Variants in PDE4D observed in about 807,000 individuals in gnomAD.
PDE4D encodes phosphodiesterase 4D, also known as 3',5'-cyclic-AMP phosphodiesterase 4D.
A neutral mutation model predicts 87.4 loss-of-function variants in PDE4D; 24 were observed. The ratio of observed to expected loss-of-function variants is 0.27; its 90% CI spans 0.20 to 0.39. The LOEUF (loss-of-function observed/expected upper bound fraction) is 0.39, where lower values mean the gene tolerates loss of function less well. PDE4D is among the 10% of genes least tolerant of loss of function. The pLI is 1.00. For synonymous variants in PDE4D, 384 were observed against 383.2 expected, an observed-to-expected ratio of 1.00 and a Z score of -0.02; for missense variants, 714 against 1,041.0, an observed-to-expected ratio of 0.69 and a Z score of 4.32.
chr5:59,817,475 A>T (rs905834), intron 1 of PDE4D, among the ~76,000 whole-genome samples: 1 of 152,054 alleles, frequency 6.6e-6, no homozygotes, highest in Admixed American at 6.5e-5. Flanking sequence ...CTGGGTCACC[A>T]CTATGGACTG....
chr5:59,725,249 C>T (rs1756433099), intron 1 of PDE4D, among the ~76,000 whole-genome samples: 2 of 152,074 alleles, frequency 1.3e-5, no homozygotes. Context: ...CTCATATAGC[C>T]TTTAGCCTTT....
intron 1 of PDE4D, chr5:60,460,569 T>G: frequency 7.6e-7 from 1 of 1,320,534 alleles, no homozygotes; most frequent in South Asian, 1.2e-5. Context: ...CTTCATTAAG[T>G]CTGTCTATTT....
At chr5:59,060,054 A>G (rs377677074) in intron 5 of PDE4D, among the ~76,000 whole-genome samples, 5 of 152,288 alleles carry the variant, frequency 3.3e-5, no homozygotes, top group African/African-American at 9.6e-5. Context: ...TGTAGATATT[A>G]TATGATGTGC....
Position 59,247,322 on chromosome 5 carries a change from G to C in PDE4D, c.456-31354C>G, listed in dbSNP as rs74596226. 9.2e-5 allele frequency among the ~76,000 whole-genome samples: 14 copies of C among 152,250 alleles called. No individual in the cohort carries two copies. The East Asian group carries it at 2.7e-3, about 29-fold the overall frequency. On this transcript the variant is annotated intron_variant, in intron 1 of 14. Transcript: ENST00000340635. ...TAAAGTGCTGAATTTCAGGAGGTGA[G>C]CTAGTAGTTTCAATGTTTGTGGGCA...
intron 5 of PDE4D, among the ~76,000 whole-genome samples, chr5:59,145,441 G>T (rs1778494671): frequency 6.6e-6 from 1 of 152,134 alleles, no homozygotes; most frequent in Non-Finnish European, 1.5e-5. Flanking sequence ...ATAATCTTAA[G>T]AAATTTACTG....
At chr5:59,702,156 C>CTCTG (rs1217649686) in intron 1 of PDE4D, among the ~76,000 whole-genome samples, 1 of 152,186 alleles carries the variant, frequency 6.6e-6, no homozygotes, top group African/African-American at 2.4e-5. Flanking sequence ...TGAAGTCTCA[C>CTCTG]TCTGTCGCCC....
At chr5:60,355,722 A>G (rs1335056096) in intron 1 of PDE4D, among the ~76,000 whole-genome samples, 2 of 151,988 alleles carry the variant, frequency 1.3e-5, no homozygotes, top group African/African-American at 4.8e-5. Context: ...TATTCTTACA[A>G]TAAAGTAAGC....
chr5:60,216,282 A>T, intron 1 of PDE4D, among the ~76,000 whole-genome samples: 1 of 152,094 alleles, frequency 6.6e-6, no homozygotes. Context: ...CCCAGTTCTG[A>T]GAGCCAGAGA....
intron 1 of PDE4D, among the ~76,000 whole-genome samples, chr5:60,395,218 G>A (rs551646781): frequency 5.4e-4 from 82 of 152,120 alleles, no homozygotes; most frequent in African/African-American, 1.9e-3. Flanking sequence ...GCAGAAATCT[G>A]ACAGCCTCCA....
intron 2 of PDE4D, among the ~76,000 whole-genome samples, chr5:59,992,884 T>C (rs537080078): frequency 2.4e-4 from 36 of 152,288 alleles, no homozygotes; most frequent in Non-Finnish European, 4.3e-4. Flanking sequence ...AAGAGGCTTT[T>C]TTCACACTCT....
chr5:60,518,177 TG>T (rs1750887464), intron 1 of PDE4D, among the ~76,000 whole-genome samples: 1 of 152,236 alleles, frequency 6.6e-6, no homozygotes, highest in Non-Finnish European at 1.5e-5. Context: ...CTGTGCACAA[TG>T]GGCAGCTCCC....
At position 60,459,824 on chromosome 5, in the gene PDE4D, A is replaced by G. The variant is rs570988290; in HGVS notation, c.-90+28118T>C. The stretch of plus-strand genomic sequence containing the variant: ...GACTGGAGAAAAATTTTTAAACAGG[A>G]AAGTTGGAACCTATCAGTGTTCTAG... On this transcript the variant is annotated intron_variant, in intron 1 of 16. Transcript: ENST00000502484. The G allele has an allele frequency of 1.5e-5, 8 of 547,970 alleles. No homozygotes were observed. The East Asian group carries it at 2.5e-4, about 17-fold the overall frequency. The allele number at this position is 547,970 out of a possible 1,614,324, so 33.9% of individuals were successfully genotyped here.
intron 1 of PDE4D, among the ~76,000 whole-genome samples, chr5:59,476,659 A>C (rs1219915130): frequency 6.6e-6 from 1 of 152,070 alleles, no homozygotes; most frequent in East Asian, 1.9e-4. Context: ...TGCATAAAGT[A>C]ATGCCCATCT....
chr5:60,342,329 C>T (rs1294614803), intron 1 of PDE4D, among the ~76,000 whole-genome samples: 1 of 152,078 alleles, frequency 6.6e-6, no homozygotes, highest in Non-Finnish European at 1.5e-5. Context: ...AATAAGATGT[C>T]AACATTACCA....
chr5:59,978,544 G>A (rs1046491214), intron 3 of PDE4D, among the ~76,000 whole-genome samples: 1 of 152,176 alleles, frequency 6.6e-6, no homozygotes, highest in Non-Finnish European at 1.5e-5. Flanking sequence ...ATGGTTTCTT[G>A]AGACAGAATC....
intron 5 of PDE4D, among the ~76,000 whole-genome samples, chr5:59,116,897 G>C (rs1440476766): frequency 6.6e-6 from 1 of 152,168 alleles, no homozygotes; most frequent in East Asian, 1.9e-4. Context: ...TTTTTAAAAA[G>C]TTTCAAGAAA....
intron 1 of PDE4D, among the ~76,000 whole-genome samples, chr5:59,334,964 A>C (rs1297295259): frequency 6.6e-6 from 1 of 151,828 alleles, no homozygotes; most frequent in African/African-American, 2.4e-5. Context: ...CACTTGGCTA[A>C]TTCCTATTCA....
chr5:59,632,009 C>T (rs1197201139), intron 1 of PDE4D, among the ~76,000 whole-genome samples: 3 of 152,170 alleles, frequency 2.0e-5, no homozygotes, highest in African/African-American at 7.2e-5. Context: ...ATTCTTGCTG[C>T]CAGTATAGCA....
chr5:59,521,854 A>T (rs1812309378), intron 1 of PDE4D, among the ~76,000 whole-genome samples: 1 of 152,244 alleles, frequency 6.6e-6, no homozygotes, highest in Admixed American at 6.5e-5. Flanking sequence ...AATGTAGAAA[A>T]GTGTCTGGTA....
Sources: allele counts gnomAD v4.1 joint callset (sites outside exome capture counted in the v4.1 genomes callset), GRCh38; gene constraint gnomAD v4.1.1; transcripts MANE v1.5; gene names NCBI Gene and HGNC (gene_info 2026-07-23, HGNC 2026-07-21).